The following ME1 variants were observed in gnomAD, a reference collection of about 807,000 sequenced individuals.
ME1 encodes malic enzyme 1.
A neutral mutation model predicts 66.4 loss-of-function variants in ME1; 74 were observed. The observed-to-expected ratio is 1.11, with a 90% CI of 0.92 to 1.35. ME1 has a LOEUF of 1.35. Among genes scored for constraint, ME1 ranks in the 40% most tolerant of loss-of-function variants. ME1 has a pLI of 0.00. For missense variants in ME1, 750 were observed against 694.1 expected (o/e 1.08, Z -0.90); for synonymous variants, 251 against 235.6 (o/e 1.07, Z -0.60).
intron 9 of ME1, among the ~76,000 whole-genome samples, chr6:83,235,470 A>ATTTTTTT (rs10691116): frequency 3.9e-5 from 5 of 128,254 alleles, no homozygotes; most frequent in Admixed American, 8.4e-5. Context: ...AGCAATAGCT[A>ATTTTTTT]TTTTTTTTTT....
intron 3 of ME1, among the ~76,000 whole-genome samples, chr6:83,379,185 GTCTTA>G: frequency 6.6e-6 from 1 of 152,192 alleles, no homozygotes; most frequent in South Asian, 2.1e-4. Context: ...TGTTAGGAAT[GTCTTA>G]TAACTGCAAG....
chr6:83,306,877 A>T (rs1265282502), intron 6 of ME1, among the ~76,000 whole-genome samples: 1 of 152,176 alleles, frequency 6.6e-6, no homozygotes, highest in Non-Finnish European at 1.5e-5. Context: ...CATAAGACTC[A>T]TGTAACCAGA....
At chr6:83,282,995 G>A (rs1218928291) in intron 6 of ME1, among the ~76,000 whole-genome samples, 3 of 151,534 alleles carry the variant, frequency 2.0e-5, no homozygotes, top group Non-Finnish European at 4.4e-5. Flanking sequence ...TTGGGAGGCC[G>A]AGGTGGGCGG....
At chr6:83,413,287 T>C (rs13193879) in intron 1 of ME1, among the ~76,000 whole-genome samples, 48,438 of 152,042 alleles carry the variant, frequency 0.32, 8,078 homozygotes, top group Middle Eastern at 0.49. Context: ...CCTAGGATTA[T>C]TACACAATCA....
At chr6:83,357,579 G>A (rs1163812590) in intron 3 of ME1, among the ~76,000 whole-genome samples, 2 of 152,028 alleles carry the variant, frequency 1.3e-5, no homozygotes, top group African/African-American at 4.8e-5. Context: ...TTGATCCTGG[G>A]TGTGTCTGTG....
chr6:83,361,840 G>A (rs1207363185), intron 3 of ME1, among the ~76,000 whole-genome samples: 2 of 152,150 alleles, frequency 1.3e-5, no homozygotes, highest in Non-Finnish European at 2.9e-5. Flanking sequence ...AAATGGAAGT[G>A]GTATATAGGT....
At chr6:83,344,900 A>T (rs898731827) in intron 5 of ME1, among the ~76,000 whole-genome samples, 1 of 151,898 alleles carries the variant, frequency 6.6e-6, no homozygotes, top group Non-Finnish European at 1.5e-5. Flanking sequence ...AAAATAAAAT[A>T]AAATAATAAT....
intron 13 of ME1, 36 bp from the exon 14 acceptor site, chr6:83,212,130 AAT>A (rs756905876): frequency 6.8e-7 from 1 of 1,464,960 alleles, no homozygotes; most frequent in Non-Finnish European, 9.3e-7. Context: ...TATTTTAATA[AAT>A]AGAGGTAATC....
intron 3 of ME1, among the ~76,000 whole-genome samples, chr6:83,385,825 TCA>T (rs1769494121): frequency 6.6e-6 from 1 of 151,898 alleles, no homozygotes; most frequent in South Asian, 2.1e-4. Flanking sequence ...TTAGCACAAG[TCA>T]TATATACATT....
chr6:83,224,720 TAAATA>T (rs1190237796), intron 11 of ME1, among the ~76,000 whole-genome samples: 29 of 148,176 alleles, frequency 2.0e-4, no homozygotes, highest in Middle Eastern at 3.5e-3. Context: ...TAATAATAAA[TAAATA>T]AAATAAAATA....
intron 3 of ME1, among the ~76,000 whole-genome samples, chr6:83,382,233 A>T (rs1044587574): frequency 6.6e-6 from 1 of 152,124 alleles, no homozygotes; most frequent in Non-Finnish European, 1.5e-5. Context: ...ATTACCTGTA[A>T]ATTCCACAAA....
intron 6 of ME1, among the ~76,000 whole-genome samples, chr6:83,314,373 G>A (rs76892567): frequency 3.0e-4 from 46 of 152,186 alleles, no homozygotes; most frequent in African/African-American, 9.9e-4. Context: ...TGCATTAATG[G>A]TATATTATGT....
chr6:83,257,166 A>G (rs1371113456), intron 6 of ME1, among the ~76,000 whole-genome samples: 1 of 152,080 alleles, frequency 6.6e-6, no homozygotes, highest in African/African-American at 2.4e-5. Flanking sequence ...CATTTAGCAC[A>G]TGTACCCCAG....
At chr6:83,332,311 T>G (rs1338552742) in intron 5 of ME1, among the ~76,000 whole-genome samples, 1 of 152,192 alleles carries the variant, frequency 6.6e-6, no homozygotes. Flanking sequence ...TTATTGAGAA[T>G]GTAAATTAGT....
rs117975782 is a variant in ME1, at chr6:83,304,886, A to G, written c.704+10424T>C. On this transcript the variant is annotated intron_variant, in intron 6 of 13. Transcript: ENST00000369705. ...TTTGACATATGTCAGCTCAAACAAT[A>G]TTTACTACCAACTTGCATTAAATGT... Among the ~76,000 whole-genome samples, 1,439 of 152,244 alleles carry G rather than the reference A, an allele frequency of 9.5e-3. 14 individuals carry two copies. Among genetic ancestry groups the G allele is most frequent in the Non-Finnish European group, 0.016 (1,058 of 68,000 alleles).
chr6:83,405,722 G>GTTGT (rs1326693594), intron 2 of ME1, among the ~76,000 whole-genome samples: 11 of 126,262 alleles, frequency 8.7e-5, no homozygotes, highest in East Asian at 6.7e-4. Context: ...TGTTGTTGTT[G>GTTGT]TTTTTTTTTT....
At chr6:83,351,918 A>T in intron 4 of ME1, 146 bp downstream of exon 4, 1 of 457,986 alleles carries the variant, frequency 2.2e-6, no homozygotes, top group East Asian at 3.5e-5. Context: ...CTATGTAAAA[A>T]TCAAAGGGAT....
chr6:83,262,185 G>A (rs778124972), intron 6 of ME1, among the ~76,000 whole-genome samples: 40 of 152,228 alleles, frequency 2.6e-4, no homozygotes, highest in Non-Finnish European at 4.4e-4. Flanking sequence ...GGCAAAGGTG[G>A]AACATGGGGA....
intron 3 of ME1, among the ~76,000 whole-genome samples, chr6:83,373,241 T>TG (rs999058007): frequency 9.0e-5 from 11 of 122,674 alleles, no homozygotes; most frequent in African/African-American, 3.4e-4. Context: ...AACATGTATT[T>TG]GTTTTTTTTT....
Sources: gnomAD v4.1 joint callset for allele counts (sites outside exome capture counted in the v4.1 genomes callset) on GRCh38, gnomAD v4.1.1 for gene constraint, MANE v1.5 for transcripts, NCBI Gene and HGNC (gene_info 2026-07-23, HGNC 2026-07-21) for gene names.